GATA4: variants seen among roughly 807,000 people sequenced by gnomAD.
GATA4 encodes GATA binding protein 4.
A neutral mutation model predicts 37.9 loss-of-function variants in GATA4; 7 were observed. The ratio of observed to expected loss-of-function variants is 0.18; its 90% CI spans 0.11 to 0.35. GATA4 has a LOEUF of 0.35. Among genes scored for constraint, GATA4 ranks in the 10% least tolerant of loss-of-function variants. GATA4 has a pLI of 1.00. For synonymous variants in GATA4, 372 were observed against 292.6 expected (o/e 1.27, Z -2.77); for missense variants, 647 against 653.0 (o/e 0.99, Z 0.10).
chr8:11,753,354 G>C (rs1802392869), intron 4 of GATA4, among the ~76,000 whole-genome samples: 1 of 152,134 alleles, frequency 6.6e-6, no homozygotes, highest in African/African-American at 2.4e-5. Context: ...TGGAGTTTGA[G>C]TTTTGCAAGA....
chr8:11,734,735 C>T (rs1460014071), intron 2 of GATA4, among the ~76,000 whole-genome samples: 1 of 152,200 alleles, frequency 6.6e-6, no homozygotes, highest in African/African-American at 2.4e-5. Flanking sequence ...GGTGATCCCC[C>T]TGCCTCGGCC....
chr8:11,681,129 C>G (rs1202833252), intron 1 of GATA4: 98 of 984,990 alleles, frequency 9.9e-5, no homozygotes, highest in Non-Finnish European at 1.2e-4. Context: ...TCCGGAAAAC[C>G]GAGCCCAGGG....
At chr8:11,732,861 C>G (rs77289490) in intron 2 of GATA4, among the ~76,000 whole-genome samples, 10 of 152,036 alleles carry the variant, frequency 6.6e-5, no homozygotes, top group Admixed American at 1.3e-4. Context: ...AGAAAACTGC[C>G]GAATATAATA....
At chr8:11,680,005 A>T (rs374664098) in intron 1 of GATA4, among the ~76,000 whole-genome samples, 2 of 152,288 alleles carry the variant, frequency 1.3e-5, no homozygotes, top group African/African-American at 4.8e-5. Flanking sequence ...AGATTGGGAG[A>T]AGTTAATCAG....
rs1000779650 is a variant in GATA4, at chr8:11,709,879, C to G, written c.616+951C>G. On this transcript the variant is annotated intron_variant, in intron 2 of 6. Coordinates refer to ENST00000532059, the MANE Select transcript of GATA4 (RefSeq NM_001308093.3). This position sits in a 1 kb window ranked among gnomAD's most constrained non-coding sequence, Gnocchi z 4.3. ...GGGGGAGAAAGGGAAGTGGCAACCC[C>G]TAGTTCAAAATGCAAACGACCTCTG... 1.3e-5 allele frequency among the ~76,000 whole-genome samples: 2 copies of G among 152,148 alleles called. No individual in the cohort carries two copies. Among genetic ancestry groups the G allele is most frequent in the Admixed American group, 6.5e-5 (1 of 15,280 alleles).
intron 2 of GATA4, among the ~76,000 whole-genome samples, chr8:11,736,903 C>T (rs1203993514): frequency 6.6e-6 from 1 of 152,176 alleles, no homozygotes; most frequent in Non-Finnish European, 1.5e-5. Context: ...GTGTGCTGCC[C>T]AGGTCCACGA....
At chr8:11,737,592 G>C (rs1207916537) in intron 2 of GATA4, among the ~76,000 whole-genome samples, 1 of 152,248 alleles carries the variant, frequency 6.6e-6, no homozygotes, top group Non-Finnish European at 1.5e-5. Flanking sequence ...AGCCAGGCCA[G>C]GGTTCCCTGG....
intron 2 of GATA4, among the ~76,000 whole-genome samples, chr8:11,724,374 T>C (rs796946137): frequency 7.2e-5 from 11 of 152,368 alleles, no homozygotes; most frequent in African/African-American, 2.6e-4. Flanking sequence ...TATGTGGTTT[T>C]TAGGGACCAT....
At chr8:11,745,133 C>CT (rs1190514460) in intron 2 of GATA4, among the ~76,000 whole-genome samples, 2 of 152,158 alleles carry the variant, frequency 1.3e-5, no homozygotes, top group Non-Finnish European at 2.9e-5. Context: ...AAAATAATTG[C>CT]TTGAATGCAT....
Position 11,758,610 on chromosome 8 carries a change from G to A in GATA4, c.*135G>A. The A allele has an allele frequency of 2.3e-6, 2 of 856,906 alleles. No individual in the cohort carries two copies. The highest frequency in any genetic ancestry group is 2.0e-5 in the Admixed American group (1 of 51,108). 53.1% of individuals were successfully genotyped at this position (856,906 alleles called of 1,614,324 possible). A position where few individuals can be genotyped will look rare whatever the true frequency, so the allele number is the denominator to read the frequency against. ...CAGAACAACAACTGGGAAGAAACTT[G>A]AAGTCGACAATCTGGTTAGGGGAAG... On this transcript the variant is annotated 3_prime_UTR_variant, in exon 7 of 7. Transcript: ENST00000532059.
Position 11,708,358 on chromosome 8 carries a change from G to A in GATA4, c.46G>A (p.Gly16Ser), listed in dbSNP as rs533331682. Residue 16 changes from glycine (G) to serine (S), a missense_variant, in exon 2 of 7, where the codon GGT (glycine) becomes AGT (serine). Coordinates refer to ENST00000532059, the MANE Select transcript of GATA4 (RefSeq NM_001308093.3). The surrounding 1 kb of genome is among the most constrained non-coding windows in gnomAD (Gnocchi z 6.7). ...AMAANHGPPP[G>S]AYEAGGPGAF... is the part of the protein sequence containing the mutation. ...GGCCGCCAACCACGGGCCGCCCCCC[G>A]GTGCCTACGAGGCGGGCGGCCCCGG... 3.8e-6 allele frequency: 6 copies of A among 1,580,756 alleles called. No individual in the cohort carries two copies. The highest frequency in any genetic ancestry group is 1.7e-5 in the Admixed American group (1 of 57,768).
chr8:11,710,422 C>T (rs567189127), intron 2 of GATA4, among the ~76,000 whole-genome samples: 68 of 152,112 alleles, frequency 4.5e-4, no homozygotes, highest in African/African-American at 1.5e-3. Flanking sequence ...ACGGGGTCCT[C>T]TCCAGGGCCC....
At chr8:11,732,933 G>T (rs1358477378) in intron 2 of GATA4, among the ~76,000 whole-genome samples, 1 of 152,130 alleles carries the variant, frequency 6.6e-6, no homozygotes, top group South Asian at 2.1e-4. Context: ...CAGCTCTCCT[G>T]CCTGTTCGCC....
At chr8:11,690,798 GA>G (rs1251601394), upstream of GATA4, among the ~76,000 whole-genome samples, 1 of 152,196 alleles carries the variant, frequency 6.6e-6, no homozygotes, top group Admixed American at 6.5e-5. Flanking sequence ...TTGAGCCCAG[GA>G]ATTGGAGGCT....
In GATA4 at chr8:11,696,305, C is replaced by T. The variant is rs1418991776; in HGVS notation, c.-729+3645C>T. 3.3e-5 allele frequency among the ~76,000 whole-genome samples: 5 copies of T among 152,260 alleles called. No homozygotes were observed. The East Asian group carries it at 9.7e-4, about 29-fold the overall frequency. ...TTCCCCCTCCTCAGCCCCTGGCAAC[C>T]TCTGATCTGTTTTCAGCCCCTATTG... On this transcript the variant is annotated intron_variant, in intron 1 of 2. Coordinates refer to the GATA4 transcript ENST00000526974.
At chr8:11,715,506 T>A (rs1489942431) in intron 2 of GATA4, among the ~76,000 whole-genome samples, 1 of 151,916 alleles carries the variant, frequency 6.6e-6, no homozygotes, top group African/African-American at 2.4e-5. Context: ...CCTAGCACTT[T>A]GGGAGGCTGA....
intron 3 of GATA4, 21 bp from the exon 4 acceptor site, chr8:11,750,090 C>T (rs530406292): frequency 2.8e-5 from 45 of 1,613,934 alleles, no homozygotes; most frequent in Non-Finnish European, 3.7e-5. Context: ...GGACATGAAG[C>T]ATTTGTTTCC....
intron 2 of GATA4, among the ~76,000 whole-genome samples, chr8:11,744,329 C>T (rs781004721): frequency 1.1e-4 from 16 of 152,212 alleles, no homozygotes; most frequent in Non-Finnish European, 1.9e-4. Flanking sequence ...GTAAGTTTTT[C>T]CTCTCATTTG....
At chr8:11,753,991 C>G (rs17153755) in intron 4 of GATA4, among the ~76,000 whole-genome samples, 51,103 of 152,084 alleles carry the variant, frequency 0.34, 8,889 homozygotes, top group Admixed American at 0.41. Flanking sequence ...CCCAACAGAA[C>G]TGTGGTCAAA....
Sources: allele counts gnomAD v4.1 joint callset (sites outside exome capture counted in the v4.1 genomes callset), GRCh38; gene constraint gnomAD v4.1.1; non-coding constraint Gnocchi (gnomAD v3.1); transcripts MANE v1.5; gene names NCBI Gene and HGNC (gene_info 2026-07-23, HGNC 2026-07-21).